The following MAP2 variants were observed in gnomAD, a reference collection of about 807,000 sequenced individuals.
MAP2 encodes the protein microtubule associated protein 2.
MAP2 carries 14 observed loss-of-function variants against 137.6 expected under a neutral mutation model. That is an observed-to-expected ratio of 0.10 (90% CI 0.07 to 0.16). MAP2 has a LOEUF of 0.16. Ranked by LOEUF, MAP2 falls within the 10% of genes least tolerant of loss-of-function variation. The pLI is 1.00. For synonymous variants in MAP2, 786 were observed against 782.3 expected (o/e 1.00, Z -0.08); for missense variants, 2,088 against 2,191.5 (o/e 0.95, Z 0.94).
intron 2 of MAP2, among the ~76,000 whole-genome samples, chr2:209,532,103 G>A (rs1366415764): frequency 5.3e-5 from 8 of 151,858 alleles, no homozygotes; most frequent in Non-Finnish European, 4.4e-5. Context: ...GCTAGGCATG[G>A]TAGCTGTGTT....
intron 1 of MAP2, among the ~76,000 whole-genome samples, chr2:209,481,352 G>C (rs1410082895): frequency 6.6e-6 from 1 of 152,190 alleles, no homozygotes; most frequent in African/African-American, 2.4e-5. Flanking sequence ...GGGCTACCCA[G>C]GTAAAGGAAG....
intron 2 of MAP2, among the ~76,000 whole-genome samples, chr2:209,564,859 C>G (rs534445843): frequency 6.6e-6 from 1 of 152,270 alleles, no homozygotes; most frequent in Admixed American, 6.5e-5. Flanking sequence ...CACATGCCCT[C>G]ATTGCAATGT....
chr2:209,618,436 T>G (rs1357546107), intron 3 of MAP2, among the ~76,000 whole-genome samples: 2 of 152,172 alleles, frequency 1.3e-5, no homozygotes, highest in African/African-American at 4.8e-5. Flanking sequence ...TGACCATGAG[T>G]GCTACTAATA....
chr2:209,477,846 A>AT (rs1430379464), intron 1 of MAP2, among the ~76,000 whole-genome samples: 1 of 151,680 alleles, frequency 6.6e-6, no homozygotes, highest in Admixed American at 6.6e-5. Flanking sequence ...AAATATTAAA[A>AT]AAAAAAAAAA....
chr2:209,550,258 G>T (rs918845667), intron 2 of MAP2, among the ~76,000 whole-genome samples: 1 of 152,054 alleles, frequency 6.6e-6, no homozygotes, highest in Non-Finnish European at 1.5e-5. Flanking sequence ...TCAAAACATT[G>T]AAGCGGTTCA....
At chr2:209,641,410 A>G (rs1559466155) in intron 4 of MAP2, among the ~76,000 whole-genome samples, 1 of 152,142 alleles carries the variant, frequency 6.6e-6, no homozygotes, top group Non-Finnish European at 1.5e-5. Flanking sequence ...TTATGTAAGA[A>G]AAATTTTTAT....
chr2:209,448,726 C>A (rs1479586477), intron 1 of MAP2, among the ~76,000 whole-genome samples: 1 of 152,154 alleles, frequency 6.6e-6, no homozygotes, highest in East Asian at 1.9e-4. Context: ...TCTCAAATCT[C>A]CTGTGTGTGT....
At chr2:209,587,547 A>T (rs185585114) in intron 3 of MAP2, among the ~76,000 whole-genome samples, 1 of 152,164 alleles carries the variant, frequency 6.6e-6, no homozygotes, top group Non-Finnish European at 1.5e-5. Context: ...CTCTGTCAGG[A>T]GGAATGTTAC....
At chr2:209,659,723 G>A (rs1470926338) in intron 5 of MAP2, among the ~76,000 whole-genome samples, 1 of 150,888 alleles carries the variant, frequency 6.6e-6, no homozygotes, top group Non-Finnish European at 1.5e-5. Flanking sequence ...ACAGTGCTGT[G>A]AACACTAGTA....
In MAP2 at chr2:209,721,165, G is replaced by A. The variant is rs540462968; in HGVS notation, c.5074-4544G>A. Among the ~76,000 whole-genome samples the A allele has an allele frequency of 3.3e-5, 5 of 152,278 alleles. No individual in the cohort carries two copies. In the South Asian group the frequency reaches 1.0e-3, roughly 32 times the overall value. On this transcript the variant is annotated intron_variant, in intron 13 of 15. Transcript: ENST00000682079. ...ACGCGGAATAGGCGAACATTCAGGT[G>A]CAAGTTGTCAAGCTAGAGTGTAACT... is the stretch of plus-strand genomic sequence containing the variant.
intron 4 of MAP2, among the ~76,000 whole-genome samples, chr2:209,651,215 T>A (rs1361576220): frequency 6.6e-6 from 1 of 152,172 alleles, no homozygotes; most frequent in African/African-American, 2.4e-5. Context: ...TAAAAAGATG[T>A]AGCTAATTTT....
Position 209,670,672 on chromosome 2 carries a change from GA to G in MAP2, c.263-7892del, listed in dbSNP as rs199649157. Among the ~76,000 whole-genome samples the G allele has an allele frequency of 5.3e-3, 805 of 151,442 alleles. 14 individuals are homozygous for G. Among genetic ancestry groups the G allele is most frequent in the African/African-American group, 0.018 (754 of 41,360 alleles). ...TTTGAGCATGTACGTGGAGGTAGAG[GA>G]AAAAAAAGAGCAAGAGAGGGAGAAT... On this transcript the variant is annotated intron_variant, in intron 5 of 15. Coordinates refer to ENST00000682079, the MANE Select transcript of MAP2 (RefSeq NM_001375505.1).
At chr2:209,627,507 C>G (rs1381850096) in intron 4 of MAP2, among the ~76,000 whole-genome samples, 1 of 152,036 alleles carries the variant, frequency 6.6e-6, no homozygotes, top group Non-Finnish European at 1.5e-5. Context: ...GCATAGGAGG[C>G]AAATAAGGCC....
intron 4 of MAP2, among the ~76,000 whole-genome samples, chr2:209,625,606 A>G (rs1033999018): frequency 1.3e-5 from 2 of 152,298 alleles, no homozygotes; most frequent in Admixed American, 1.3e-4. Flanking sequence ...GAGATTGCAT[A>G]CATGGCTTTG....
intron 5 of MAP2, among the ~76,000 whole-genome samples, chr2:209,677,286 AAT>A (rs2052295963): frequency 1.3e-5 from 2 of 152,028 alleles, no homozygotes; most frequent in African/African-American, 4.8e-5. Flanking sequence ...TTAGAAATAA[AAT>A]AGTCATCTTC....
chr2:209,553,505 T>C (rs1271159601), intron 2 of MAP2, among the ~76,000 whole-genome samples: 1 of 152,184 alleles, frequency 6.6e-6, no homozygotes, highest in African/African-American at 2.4e-5. Context: ...AGGAAAGTGC[T>C]TGGTAAACAA....
chr2:209,725,742 C>T lies in MAP2; in HGVS notation c.5107C>T (p.His1703Tyr), dbSNP rs1478174826. 1 of 1,605,464 alleles carries T rather than the reference C, an allele frequency of 6.2e-7. No individual in the cohort carries two copies. Among genetic ancestry groups the T allele is most frequent in the Non-Finnish European group, 8.5e-7 (1 of 1,176,360 alleles). Residue 1703 changes from histidine to tyrosine, a missense_variant, in exon 14 of 16, where the codon CAT becomes TAT. Physicochemically the swap from His to Tyr is moderately conservative, Grantham distance 83 (BLOSUM62 2). Around this residue, in one of 6 missense-constraint regions of MAP2, gnomAD observed 112 missense variants for 201.0 expected, o/e 0.56. Transcript: ENST00000682079. ...TGTTACCAAGAAAATAGACCTAAGC[C>T]ATGTGACATCCAAATGTGGCTCTCT... ...QIVTKKIDLS[H>Y]VTSKCGSLKN... is the part of the protein sequence containing the mutation.
intron 2 of MAP2, among the ~76,000 whole-genome samples, chr2:209,560,985 A>T (rs2071916256): frequency 1.3e-5 from 2 of 152,152 alleles, no homozygotes; most frequent in Non-Finnish European, 2.9e-5. Flanking sequence ...GCAAGGAAGG[A>T]AAGCAAAACA....
chr2:209,490,605 C>CAA (rs59133937), intron 1 of MAP2, among the ~76,000 whole-genome samples: 223 of 5,566 alleles, frequency 0.04, 87 homozygotes, highest in Non-Finnish European at 0.043. Context: ...AAATGGAAAG[C>CAA]AAAAAAAAAA....
Sources: allele counts gnomAD v4.1 joint callset (sites outside exome capture counted in the v4.1 genomes callset), GRCh38; gene constraint gnomAD v4.1.1; regional missense constraint gnomAD v4.1.1; transcripts MANE v1.5; gene names NCBI Gene and HGNC (gene_info 2026-07-23, HGNC 2026-07-21).